The following APOB variants were observed in gnomAD, a reference collection of about 807,000 sequenced individuals.
The protein encoded by APOB is apolipoprotein B, also known as apolipoprotein B-100.
A neutral mutation model predicts 314.1 loss-of-function variants in APOB; 153 were observed. That is an observed-to-expected ratio of 0.49 (90% CI 0.43 to 0.56). The LOEUF is 0.56. APOB is among the 20% of genes least tolerant of loss of function. APOB has a pLI of 0.00. For synonymous variants in APOB, 2,087 were observed against 2,036.4 expected (o/e 1.02, Z -0.67); for missense variants, 5,430 against 5,350.7 (o/e 1.01, Z -0.46).
intron 9 of APOB, among the ~76,000 whole-genome samples, chr2:21,033,019 C>T (rs1489574981): frequency 6.6e-6 from 1 of 152,138 alleles, no homozygotes. Flanking sequence ...CTGCAATAGA[C>T]CTAGGAATTA....
Position 21,010,456 on chromosome 2 carries a change from C to A in APOB, c.6412G>T (p.Ala2138Ser). The A allele has an allele frequency of 1.2e-6, 2 of 1,609,298 alleles. No homozygotes were observed. The highest frequency in any genetic ancestry group is 1.7e-6 in the Non-Finnish European group (2 of 1,176,448). ...GTGAGAGCAGTCAGTTTCTCCTTGG[C>A]ATGTGAAACTTGTCTCTCCCAATTG... ...SFNWERQVSH[A>S]KEKLTALTKK... The change falls in exon 26 of 29, where the codon GCC becomes TCC. Residue 2138 changes from alanine to serine, a missense_variant. Transcript: ENST00000233242.
chr2:21,003,332 G>C lies in APOB; in HGVS notation c.12090C>G (p.Ser4030=), dbSNP rs2103348433. 1 of 1,611,304 alleles carries C rather than the reference G, an allele frequency of 6.2e-7. No homozygotes were observed. Among genetic ancestry groups the C allele is most frequent in the South Asian group, 1.1e-5 (1 of 90,988 alleles). Residue 4030 remains serine, a splice_region_variant and synonymous_variant, in exon 29 of 29, where the codon TCC becomes TCG. Transcript: ENST00000233242. ...SKWNFYYSPQ[S]SPDKKLTIFK... ...ATATGGTGAGTTTTTTATCTGGAGAGGACTAAACAGAGAGAAAAAAAAAAA... is the reference window on the plus strand; with the variant it reads ...ATATGGTGAGTTTTTTATCTGGAGACGACTAAACAGAGAGAAAAAAAAAAA...
At position 21,007,050 on chromosome 2, in the gene APOB, A is replaced by G. The variant is rs1302665094; in HGVS notation, c.9818T>C (p.Val3273Ala). Residue 3273 changes from valine to alanine, a missense_variant, in exon 26 of 29, where the codon GTG becomes GCG. By Grantham distance (64) the Val-to-Ala change is moderately conservative. Coordinates refer to ENST00000233242, the MANE Select transcript of APOB (RefSeq NM_000384.3). ...AGGCATGCTGACTGCTTTTGGGAAC[A>G]CATAGCCGAATGCCGACATCTCTAT... ...FTIEMSAFGY[V>A]FPKAVSMPSF... The G allele has an allele frequency of 2.5e-6, 4 of 1,613,942 alleles. No individual in the cohort carries two copies. In the South Asian group the frequency reaches 3.3e-5, roughly 13 times the overall value.
chr2:21,014,227 C>T (rs1239420187), intron 24 of APOB, among the ~76,000 whole-genome samples: 1 of 152,170 alleles, frequency 6.6e-6, no homozygotes, highest in Non-Finnish European at 1.5e-5. Flanking sequence ...GGTGAAAGTA[C>T]CAGAATCCTC....
intron 6 of APOB, among the ~76,000 whole-genome samples, chr2:21,036,352 G>T (rs1664002602): frequency 6.6e-6 from 1 of 152,138 alleles, no homozygotes; most frequent in Non-Finnish European, 1.5e-5. Flanking sequence ...ATCCTCTTCT[G>T]ACTGTGGCAC....
At chr2:21,043,829 C>T in intron 1 of APOB, 35 bp downstream of exon 1, 1 of 1,534,450 alleles carries the variant, frequency 6.5e-7, no homozygotes, top group South Asian at 1.2e-5. Flanking sequence ...CTCCCTCCCG[C>T]TCCCTCTGCG....
rs1394859068 is a variant in APOB, at chr2:21,011,656, G to A, written c.5212C>T (p.Leu1738Phe). Residue 1738 changes from leucine (L) to phenylalanine (F), a missense_variant, in exon 26 of 29, where the codon CTC (leucine) becomes TTC (phenylalanine). This residue lies in a region of APOB where 2,085 missense variants were observed against 2,079.7 expected (regional missense o/e 1.00). Coordinates refer to ENST00000233242, the MANE Select transcript of APOB (RefSeq NM_000384.3). ...NFKVSQEGLK[L>F]SNDMMGSYAE... is the part of the protein sequence containing the mutation. ...TATGAGCCCATCATGTCATTTGAGA[G>A]CTTAAGTCCTTCTTGACTGACCTTG... 2 of 1,614,044 alleles carry A rather than the reference G, an allele frequency of 1.2e-6. No individual in the cohort carries two copies. Among genetic ancestry groups the A allele is most frequent in the African/African-American group, 2.7e-5 (2 of 74,916 alleles).
Position 21,044,068 on chromosome 2 carries a change from G to A in APOB, c.-123C>T, listed in dbSNP as rs1664209820. 1.3e-5 allele frequency: 5 copies of A among 394,968 alleles called. No homozygotes were observed. The highest frequency in any genetic ancestry group is 2.1e-5 in the Non-Finnish European group (5 of 240,146). The allele number at this position is 394,968 out of a possible 1,614,324, so 24.5% of individuals were successfully genotyped here. A position where few individuals can be genotyped will look rare whatever the true frequency, so the allele number is the denominator to read the frequency against. ...GGCACTCAGCCCCGCAGGTCCCGGT[G>A]GGAATGCGCGGCCGGCGCCCGCACC... On this transcript the variant is annotated 5_prime_UTR_variant, in exon 1 of 29. Coordinates refer to ENST00000233242, the MANE Select transcript of APOB (RefSeq NM_000384.3).
chr2:21,014,661 G>A, intron 23 of APOB, 68 bp from the exon 24 acceptor site: 2 of 1,525,636 alleles, frequency 1.3e-6, no homozygotes, highest in Non-Finnish European at 1.8e-6. Context: ...TGAACATTAG[G>A]CAAAAATACC....
intron 10 of APOB, among the ~76,000 whole-genome samples, chr2:21,030,756 A>T (rs12720807): frequency 0.073 from 11,162 of 152,276 alleles, 543 homozygotes; most frequent in Non-Finnish European, 0.12. Flanking sequence ...CAACAAAAAA[A>T]TCCCCCAAAT....
Position 21,002,726 on chromosome 2 carries a change from A to G in APOB, c.12696T>C (p.Tyr4232=). 1.2e-6 allele frequency: 2 copies of G among 1,613,390 alleles called. No homozygotes were observed. The highest frequency in any genetic ancestry group is 1.7e-6 in the Non-Finnish European group (2 of 1,179,638). Reference sequence around the variant, plus strand: ...TTTCTGAACCATTATGGACTTTCGAATATACCTGGGACAGTACCGTCCCTA... The same window carrying G: ...TTTCTGAACCATTATGGACTTTCGAGTATACCTGGGACAGTACCGTCCCTA... ...REVGTVLSQV[Y]SKVHNGSEIL... Residue 4232 remains tyrosine (Y), a synonymous_variant, in exon 29 of 29, where the codon TAT becomes TAC. Transcript: ENST00000233242.
chr2:21,034,664 T>G, intron 8 of APOB, 152 bp downstream of exon 8: 1 of 707,142 alleles, frequency 1.4e-6, no homozygotes, highest in Non-Finnish European at 2.7e-6. Flanking sequence ...CATCATGAAA[T>G]GAGTTTGCTT....
In APOB at chr2:21,038,021, C is replaced by A; in HGVS notation, c.474G>T (p.Arg158Ser). ...DEPTYILNIKRGIISALLVPP... is the reference protein window; with the variant it reads ...DEPTYILNIKSGIISALLVPP... ...GAACCAGGAGGGCAGAAATGATGCC[C>A]CTCTTGATGTTCAGGATGTAAGTAG... Residue 158 changes from arginine (R) to serine (S), a missense_variant, in exon 5 of 29, where the codon AGG becomes AGT. By Grantham distance (110) the Arg-to-Ser change is moderately radical (BLOSUM62 -1). Transcript: ENST00000233242. The A allele has an allele frequency of 6.2e-7, 1 of 1,614,158 alleles. No individual in the cohort carries two copies. The highest frequency in any genetic ancestry group is 8.5e-7 in the Non-Finnish European group (1 of 1,180,028).
In APOB at chr2:21,007,107, G is replaced by A; in HGVS notation, c.9761C>T (p.Pro3254Leu). 6.2e-7 allele frequency: 1 copy of A among 1,613,984 alleles called. No homozygotes were observed. Among genetic ancestry groups the A allele is most frequent in the East Asian group, 2.2e-5 (1 of 44,880 alleles). The change falls in exon 26 of 29, where the codon CCA becomes CTA. Residue 3254 changes from proline (P) to leucine (L), a missense_variant. Pro to Leu is a moderately conservative substitution (Grantham distance 98, BLOSUM62 -3). Transcript: ENST00000233242. Reference protein sequence around the residue: ...RTFQIPGYTVPVVNVEVSPFT... With the variant: ...RTFQIPGYTVLVVNVEVSPFT... ...TGGAGACACTTCAACATTGACAACTGGAACAGTGTATCCAGGAATTTGAAA... is the reference window on the plus strand; with the variant it reads ...TGGAGACACTTCAACATTGACAACTAGAACAGTGTATCCAGGAATTTGAAA...
At chr2:21,017,882 C>T (rs1484407001) in intron 20 of APOB, among the ~76,000 whole-genome samples, 1 of 152,174 alleles carries the variant, frequency 6.6e-6, no homozygotes, top group Admixed American at 6.5e-5. Flanking sequence ...GATATGCTAT[C>T]CCTATATAAA....
Position 21,008,084 on chromosome 2 carries a change from T to A in APOB, c.8784A>T (p.Ser2928=), listed in dbSNP as rs756942629. The change falls in exon 26 of 29, where the codon TCA becomes TCT. Residue 2928 remains serine (S), a synonymous_variant. Coordinates refer to ENST00000233242, the MANE Select transcript of APOB (RefSeq NM_000384.3). ...AGAATCTGGGGCAGGCCCATTTCCA[T>A]GACCCTTTTCCAGAAGAAGTCCATG... ...HIAWTSSGKG[S]WKWACPRFSD... 1.9e-6 allele frequency: 3 copies of A among 1,614,108 alleles called. No individual in the cohort carries two copies. The South Asian group carries it at 3.3e-5, about 18-fold the overall frequency.
chr2:21,037,817 G>A lies in APOB; in HGVS notation c.537+141C>T, dbSNP rs867630399. ...GGGGCAGGAGGAACCTCGGGCACCA[G>A]TATTTCACGCCAATCCAGGGCTTCC... is the stretch of plus-strand genomic sequence containing the variant. On this transcript the variant is annotated intron_variant, in intron 5 of 28. Coordinates refer to ENST00000233242, the MANE Select transcript of APOB (RefSeq NM_000384.3). 2.9e-5 allele frequency: 31 copies of A among 1,057,210 alleles called. No homozygotes were observed. The Middle Eastern group carries it at 3.5e-3, about 120-fold the overall frequency. The allele number at this position is 1,057,210 out of a possible 1,614,324, so 65.5% of individuals were successfully genotyped here.
chr2:21,016,995 A>AAT (rs1553384688), intron 20 of APOB, among the ~76,000 whole-genome samples: 2,757 of 135,946 alleles, frequency 0.02, 93 homozygotes, highest in Middle Eastern at 0.091. Context: ...AAAAATAAAT[A>AAT]AATAAATAAA....
Position 21,006,560 on chromosome 2 carries a change from C to G in APOB, c.10308G>C (p.Leu3436Phe). ...ATTTKAQIPI[L>F]RMNFKQELNG... ...TAAGTTCTTGCTTGAAATTCATTCTCAAAATTGGAATTTGGGCTTTTGTGG... is the reference window on the plus strand; with the variant it reads ...TAAGTTCTTGCTTGAAATTCATTCTGAAAATTGGAATTTGGGCTTTTGTGG... Residue 3436 changes from leucine to phenylalanine, a missense_variant, in exon 26 of 29, where the codon TTG becomes TTC. Leu to Phe is a conservative substitution (Grantham distance 22). This residue lies in a region of APOB where 3,281 missense variants were observed against 3,171.0 expected (regional missense o/e 1.03). Transcript: ENST00000233242. 1 of 1,614,060 alleles carries G rather than the reference C, an allele frequency of 6.2e-7. No individual in the cohort carries two copies. Among genetic ancestry groups the G allele is most frequent in the Non-Finnish European group, 8.5e-7 (1 of 1,179,958 alleles).
Sources: gnomAD v4.1 joint callset for allele counts (sites outside exome capture counted in the v4.1 genomes callset) on GRCh38, gnomAD v4.1.1 for gene constraint, gnomAD v4.1.1 regional missense constraint, MANE v1.5 for transcripts, NCBI Gene and HGNC (gene_info 2026-07-23, HGNC 2026-07-21) for gene names.